Variants in CTDSPL observed in about 807,000 individuals in gnomAD.
CTDSPL encodes CTD small phosphatase-like protein.
CTDSPL carries 8 observed loss-of-function variants against 30.5 expected under a neutral mutation model. The observed-to-expected ratio is 0.26, with a 90% CI of 0.15 to 0.47. The LOEUF is 0.47. CTDSPL is among the 20% of genes least tolerant of loss of function. The pLI is 0.99. For synonymous variants in CTDSPL, 110 were observed against 137.9 expected, an observed-to-expected ratio of 0.80 and a Z score of 1.42; for missense variants, 248 against 366.1, an observed-to-expected ratio of 0.68 and a Z score of 2.63.
At chr3:37,866,975 T>G (rs1698017480) in intron 1 of CTDSPL, among the ~76,000 whole-genome samples, 1 of 152,168 alleles carries the variant, frequency 6.6e-6, no homozygotes, top group Non-Finnish European at 1.5e-5. Flanking sequence ...TCTACCCGGT[T>G]TCTCTTATTA....
chr3:37,943,203 C>T (rs527602497), intron 1 of CTDSPL, among the ~76,000 whole-genome samples: 1 of 150,418 alleles, frequency 6.6e-6, no homozygotes, highest in African/African-American at 2.4e-5. Flanking sequence ...GGCCCAAAGA[C>T]ACAGCTCAGT....
chr3:37,943,088 G>A (rs1179944779), intron 1 of CTDSPL, among the ~76,000 whole-genome samples: 1 of 150,200 alleles, frequency 6.7e-6, no homozygotes, highest in Admixed American at 6.7e-5. Flanking sequence ...TCTAGCTTAG[G>A]ATATTGGTAC....
At chr3:37,886,327 C>T (rs1299514279) in intron 1 of CTDSPL, among the ~76,000 whole-genome samples, 3 of 152,098 alleles carry the variant, frequency 2.0e-5, no homozygotes, top group Non-Finnish European at 2.9e-5. Flanking sequence ...ATTTCCCTCC[C>T]GACCCACTTC....
intron 1 of CTDSPL, among the ~76,000 whole-genome samples, chr3:37,922,554 T>G (rs1446893200): frequency 6.6e-6 from 1 of 152,220 alleles, no homozygotes; most frequent in African/African-American, 2.4e-5. Context: ...GCTCAGAGTG[T>G]CTTTTTATTA....
chr3:37,963,663 A>G (rs1699266970), intron 3 of CTDSPL, among the ~76,000 whole-genome samples: 1 of 152,252 alleles, frequency 6.6e-6, no homozygotes, highest in Admixed American at 6.5e-5. Flanking sequence ...CTAAAGAAAT[A>G]AATCCTCTAA....
chr3:37,924,565 A>G (rs910149372), intron 1 of CTDSPL, among the ~76,000 whole-genome samples: 13 of 152,234 alleles, frequency 8.5e-5, no homozygotes, highest in African/African-American at 2.9e-4. Flanking sequence ...ACAACGAGAA[A>G]ATAACAAAAG....
chr3:37,956,363 A>G (rs1344793153), intron 2 of CTDSPL, among the ~76,000 whole-genome samples: 1 of 152,368 alleles, frequency 6.6e-6, no homozygotes, highest in Non-Finnish European at 1.5e-5. Flanking sequence ...TTATTAGGCC[A>G]TCTAAAAAAG....
intron 1 of CTDSPL, among the ~76,000 whole-genome samples, chr3:37,936,242 C>T (rs555432420): frequency 4.8e-4 from 73 of 152,172 alleles, no homozygotes; most frequent in African/African-American, 1.5e-3. Flanking sequence ...ATAGAGTGTC[C>T]GGTAGGAATT....
chr3:37,871,656 T>C (rs767974426), intron 1 of CTDSPL, among the ~76,000 whole-genome samples: 5 of 152,244 alleles, frequency 3.3e-5, no homozygotes, highest in Non-Finnish European at 1.5e-5. Context: ...TTTATGTCTT[T>C]GCTAAACTGG....
At chr3:37,968,033 T>A in intron 5 of CTDSPL, 151 bp downstream of exon 5, 1 of 594,878 alleles carries the variant, frequency 1.7e-6, no homozygotes, top group East Asian at 2.9e-5. Context: ...TTTTTCTTTT[T>A]TTCACTCCAA....
At chr3:37,882,248 C>A (rs1253541263) in intron 1 of CTDSPL, among the ~76,000 whole-genome samples, 2 of 152,056 alleles carry the variant, frequency 1.3e-5, no homozygotes, top group Admixed American at 6.6e-5. Context: ...CGAGACCATC[C>A]TGGCTAACAT....
intron 6 of CTDSPL, among the ~76,000 whole-genome samples, chr3:37,972,249 C>A (rs1699375923): frequency 6.6e-6 from 1 of 152,164 alleles, no homozygotes; most frequent in Non-Finnish European, 1.5e-5. Context: ...GTAATCCCAA[C>A]ACTTTGGGAG....
intron 1 of CTDSPL, among the ~76,000 whole-genome samples, chr3:37,903,034 G>C (rs1025600262): frequency 3.9e-5 from 6 of 152,224 alleles, no homozygotes; most frequent in South Asian, 2.1e-4. Flanking sequence ...TCAGTTGTTT[G>C]AGACTGTTTG....
intron 1 of CTDSPL, among the ~76,000 whole-genome samples, chr3:37,906,721 T>G (rs180796553): frequency 1.9e-4 from 29 of 152,276 alleles, no homozygotes; most frequent in African/African-American, 7.0e-4. Context: ...GTGTAAAGTG[T>G]GCTGCTGTGC....
intron 1 of CTDSPL, among the ~76,000 whole-genome samples, chr3:37,874,684 T>C (rs555928770): frequency 1.3e-5 from 2 of 152,224 alleles, no homozygotes; most frequent in Admixed American, 6.5e-5. Flanking sequence ...GAGCTGAGAC[T>C]GCGCCACTGC....
intron 7 of CTDSPL, among the ~76,000 whole-genome samples, chr3:37,980,429 T>C (rs773973934): frequency 2.6e-4 from 40 of 152,316 alleles, no homozygotes; most frequent in Non-Finnish European, 4.3e-4. Flanking sequence ...CTTTTGGAAG[T>C]TGGCAAGTAG....
At chr3:37,908,935 C>G (rs751265213) in intron 1 of CTDSPL, among the ~76,000 whole-genome samples, 1 of 152,140 alleles carries the variant, frequency 6.6e-6, no homozygotes, top group Non-Finnish European at 1.5e-5. Flanking sequence ...TTGGGTTATT[C>G]TTTTCCGTAT....
intron 1 of CTDSPL, among the ~76,000 whole-genome samples, chr3:37,919,964 T>G (rs763672437): frequency 2.6e-5 from 4 of 152,166 alleles, no homozygotes; most frequent in African/African-American, 4.8e-5. Flanking sequence ...TTTTCTTCTC[T>G]TAGTCTCTGA....
rs572020375 is a variant in CTDSPL at position 37,944,538 on chromosome 3, T to A, written c.80-2519T>A. Among the ~76,000 whole-genome samples, 64 of 150,208 alleles carry A rather than the reference T, an allele frequency of 4.3e-4. 3 individuals carry two copies. The highest frequency in any genetic ancestry group is 1.4e-3 in the African/African-American group (58 of 41,408). On this transcript the variant is annotated intron_variant, in intron 1 of 7. Coordinates refer to ENST00000273179, the MANE Select transcript of CTDSPL (RefSeq NM_001008392.2). ...TCCAGAGCACCCACGTCTGGAGCCC[T>A]ATTCAGGAACAAGTGAATGCTGAGG...
Sources: allele counts gnomAD v4.1 joint callset (sites outside exome capture counted in the v4.1 genomes callset), GRCh38; gene constraint gnomAD v4.1.1; transcripts MANE v1.5; gene names NCBI Gene and HGNC (gene_info 2026-07-23, HGNC 2026-07-21).